STK31: variants seen among roughly 807,000 people sequenced by gnomAD.
STK31 encodes serine/threonine-protein kinase 31.
In STK31, 89 loss-of-function variants were observed where a neutral mutation model predicts 129.7. The ratio of observed to expected loss-of-function variants is 0.69; its 90% CI spans 0.58 to 0.82. STK31 has a LOEUF of 0.82. Ranked by LOEUF, STK31 falls within the 40% of genes least tolerant of loss-of-function variation. The pLI, the probability that STK31 is intolerant of heterozygous loss-of-function variation, is 0.00. For synonymous variants in STK31, 448 were observed against 395.3 expected (o/e 1.13, Z -1.58); for missense variants, 1,187 against 1,176.4 (o/e 1.01, Z -0.13).
intron 4 of STK31, among the ~76,000 whole-genome samples, chr7:23,720,187 G>A (rs1786606961): frequency 6.6e-6 from 1 of 152,184 alleles, no homozygotes; most frequent in Admixed American, 6.5e-5. Context: ...AAAAATATGG[G>A]AAGAAGTGAA....
intron 22 of STK31, among the ~76,000 whole-genome samples, chr7:23,796,199 T>C (rs1042896299): frequency 2.0e-5 from 3 of 152,226 alleles, no homozygotes; most frequent in Non-Finnish European, 4.4e-5. Context: ...GGTTCCCCCA[T>C]ACTGTTCTCA....
rs762032548 is a variant in STK31 at position 23,771,115 on chromosome 7, C to G, written c.1824C>G (p.Asp608Glu). The change falls in exon 14 of 24, where the codon GAC becomes GAG. Residue 608 changes from aspartate (D) to glutamate (E), a missense_variant. Physicochemically the swap from Asp to Glu is conservative, Grantham distance 45. Around this residue, in one of 5 missense-constraint regions of STK31, gnomAD observed 975 missense variants for 934.9 expected, o/e 1.04. Transcript: ENST00000355870. ...CCACAGTACAAGCTAAGTACAAGGACAGTATTGAGGTTTGATTGTGCTTTC... is the reference window on the plus strand; with the variant it reads ...CCACAGTACAAGCTAAGTACAAGGAGAGTATTGAGGTTTGATTGTGCTTTC... ...LIATVQAKYKDSIEFKKQLIE... is the reference protein window; with the variant it reads ...LIATVQAKYKESIEFKKQLIE... 6.2e-7 allele frequency: 1 copy of G among 1,604,984 alleles called. No homozygotes were observed. Among genetic ancestry groups the G allele is most frequent in the Non-Finnish European group, 8.5e-7 (1 of 1,176,688 alleles).
intron 20 of STK31, among the ~76,000 whole-genome samples, chr7:23,787,765 C>G (rs1791375979): frequency 6.6e-6 from 1 of 151,154 alleles, no homozygotes; most frequent in African/African-American, 2.5e-5. Context: ...CACACACACA[C>G]ACACACACAC....
chr7:23,712,311 C>T, intron 3 of STK31, 25 bp downstream of exon 3: 1 of 1,609,188 alleles, frequency 6.2e-7, no homozygotes, highest in Non-Finnish European at 8.5e-7. Context: ...GGTTGATATC[C>T]CCCCTCACCT....
In STK31 at chr7:23,754,469, T is replaced by C; in HGVS notation, c.1288T>C (p.Tyr430His). ...LAQENIKTCE[Y>H]VSEGNILIAQ... ...TCAGGAGAATATTAAAACTTGTGAA[T>C]ATGTGGTGAGTTGGGAATTTTTCTC... The change falls in exon 10 of 24, where the codon TAT becomes CAT. Residue 430 changes from tyrosine to histidine, a missense_variant. Tyr to His is a moderately conservative substitution (Grantham distance 83). Coordinates refer to ENST00000355870, the MANE Select transcript of STK31 (RefSeq NM_031414.5). 1 of 1,608,600 alleles carries C rather than the reference T, an allele frequency of 6.2e-7. No homozygotes were observed. The highest frequency in any genetic ancestry group is 8.5e-7 in the Non-Finnish European group (1 of 1,178,740).
intron 23 of STK31, among the ~76,000 whole-genome samples, chr7:23,830,905 C>T (rs1482908206): frequency 6.6e-6 from 1 of 152,160 alleles, no homozygotes; most frequent in Non-Finnish European, 1.5e-5. Context: ...TAGGCATGAG[C>T]CACCGTGCCT....
Position 23,712,120 on chromosome 7 carries a change from G to C in STK31, c.72G>C (p.Met24Ile). ...CTAGTTTTTCAGGAATTGTTCAAAT[G>C]GATGAAGATACACATTACGATAAAG... ...ESVSFSGIVQ[M>I]DEDTHYDKVE... The change falls in exon 2 of 24, where the codon ATG becomes ATC. Residue 24 changes from methionine (M) to isoleucine (I), a missense_variant. Met to Ile is a conservative substitution (Grantham distance 10). Around this residue, in one of 5 missense-constraint regions of STK31, gnomAD observed 104 missense variants for 98.3 expected, o/e 1.06. Transcript: ENST00000355870. 6.2e-7 allele frequency: 1 copy of C among 1,611,554 alleles called. No homozygotes were observed. Among genetic ancestry groups the C allele is most frequent in the Non-Finnish European group, 8.5e-7 (1 of 1,177,890 alleles).
intron 22 of STK31, among the ~76,000 whole-genome samples, chr7:23,808,850 AATAGGGT>A (rs1792889842): frequency 1.3e-5 from 2 of 151,818 alleles, no homozygotes; most frequent in African/African-American, 4.8e-5. Flanking sequence ...GTGTGACTGG[AATAGGGT>A]ATATTACCTA....
chr7:23,733,216 G>A (rs1584348974), intron 6 of STK31, among the ~76,000 whole-genome samples: 1 of 151,916 alleles, frequency 6.6e-6, no homozygotes, highest in Non-Finnish European at 1.5e-5. Flanking sequence ...AAACCTGTGT[G>A]TTTGTTAACC....
chr7:23,712,444 T>C (rs1335742153), intron 3 of STK31, among the ~76,000 whole-genome samples, 158 bp downstream of exon 3: 2 of 152,186 alleles, frequency 1.3e-5, no homozygotes, highest in East Asian at 3.9e-4. Context: ...GAGACAAATG[T>C]TGACAGCTGT....
intron 8 of STK31, among the ~76,000 whole-genome samples, chr7:23,742,159 G>A (rs1788089482): frequency 6.6e-6 from 1 of 152,220 alleles, no homozygotes; most frequent in South Asian, 2.1e-4. Flanking sequence ...CCAAACTCAG[G>A]CCAAGGGCAG....
At chr7:23,828,017 T>C (rs1794283295) in intron 23 of STK31, among the ~76,000 whole-genome samples, 1 of 152,148 alleles carries the variant, frequency 6.6e-6, no homozygotes, top group African/African-American at 2.4e-5. Flanking sequence ...GGGGGGTGCC[T>C]CCCAGTTAGG....
intron 6 of STK31, among the ~76,000 whole-genome samples, chr7:23,732,170 G>T (rs768566904): frequency 1.5e-4 from 23 of 151,988 alleles, no homozygotes; most frequent in Non-Finnish European, 2.9e-4. Flanking sequence ...AATTAGCTGG[G>T]CATGGTGGCG....
intron 15 of STK31, among the ~76,000 whole-genome samples, chr7:23,775,222 G>C (rs1382230214): frequency 6.6e-6 from 1 of 152,146 alleles, no homozygotes; most frequent in Non-Finnish European, 1.5e-5. Context: ...TGCTGTTTTG[G>C]TTACTGTAGC....
chr7:23,757,414 G>T (rs934477720), intron 10 of STK31, among the ~76,000 whole-genome samples: 1 of 152,082 alleles, frequency 6.6e-6, no homozygotes, highest in Non-Finnish European at 1.5e-5. Flanking sequence ...CTACCATCTC[G>T]GAGAGGGGGA....
At chr7:23,730,558 T>A (rs1292853141) in intron 6 of STK31, among the ~76,000 whole-genome samples, 1 of 152,080 alleles carries the variant, frequency 6.6e-6, no homozygotes, top group East Asian at 1.9e-4. Flanking sequence ...AAATCTTGTT[T>A]ACGGACCTTA....
intron 22 of STK31, among the ~76,000 whole-genome samples, chr7:23,808,149 TAA>T (rs1491312345): frequency 1.2e-4 from 11 of 93,870 alleles, no homozygotes; most frequent in African/African-American, 3.7e-4. Context: ...GAATCCTTTT[TAA>T]TATATATATA....
intron 23 of STK31, among the ~76,000 whole-genome samples, chr7:23,827,454 C>T (rs1794239774): frequency 6.6e-6 from 1 of 152,156 alleles, no homozygotes; most frequent in Non-Finnish European, 1.5e-5. Flanking sequence ...CCATGAGGTC[C>T]TTTAAGGACT....
chr7:23,721,542 T>C (rs1359548868), intron 4 of STK31: 14 of 750,440 alleles, frequency 1.9e-5, no homozygotes, highest in South Asian at 8.6e-5. Flanking sequence ...TTAACTCTCT[T>C]TTTTTTTTTC....
Sources: gnomAD v4.1 joint callset for allele counts (sites outside exome capture counted in the v4.1 genomes callset) on GRCh38, gnomAD v4.1.1 for gene constraint, gnomAD v4.1.1 regional missense constraint, MANE v1.5 for transcripts, NCBI Gene and HGNC (gene_info 2026-07-23, HGNC 2026-07-21) for gene names.